VGLL4: variants seen among roughly 807,000 people sequenced by gnomAD.
The protein encoded by VGLL4 is vestigial like family member 4.
VGLL4 carries 7 observed loss-of-function variants against 21.0 expected under a neutral mutation model. That is an observed-to-expected ratio of 0.33 (90% CI 0.19 to 0.63). VGLL4 has a LOEUF of 0.63. Among genes scored for constraint, VGLL4 ranks in the 20% least tolerant of loss-of-function variants. The pLI, the probability that VGLL4 is intolerant of heterozygous loss-of-function variation, is 0.78. For missense variants in VGLL4, 394 were observed against 425.7 expected, an observed-to-expected ratio of 0.93 and a Z score of 0.66; for synonymous variants, 222 against 173.2, an observed-to-expected ratio of 1.28 and a Z score of -2.21.
chr3:11,575,596 C>T (rs2074014746), intron 2 of VGLL4, among the ~76,000 whole-genome samples: 1 of 152,220 alleles, frequency 6.6e-6, no homozygotes, highest in African/African-American at 2.4e-5. Flanking sequence ...ACAGTGTGCA[C>T]TTACCCAGCG....
At chr3:11,592,420 A>G (rs536473599) in intron 2 of VGLL4, among the ~76,000 whole-genome samples, 2 of 152,218 alleles carry the variant, frequency 1.3e-5, no homozygotes, top group African/African-American at 2.4e-5. Flanking sequence ...CCCTTCCACA[A>G]TCCCTGAGGG....
At chr3:11,608,925 G>C (rs1382094778) in intron 1 of VGLL4, among the ~76,000 whole-genome samples, 1 of 152,114 alleles carries the variant, frequency 6.6e-6, no homozygotes, top group Non-Finnish European at 1.5e-5. Flanking sequence ...GCAGTGGCGA[G>C]ATCTTGGCTC....
chr3:11,563,063 A>G (rs1432876183), intron 3 of VGLL4, among the ~76,000 whole-genome samples: 1 of 152,254 alleles, frequency 6.6e-6, no homozygotes, highest in African/African-American at 2.4e-5. Context: ...AACCAACTGC[A>G]AGATTCTCAA....
rs1360333329 is a variant in VGLL4 at position 11,593,341 on chromosome 3, A to G, written c.272+8492T>C. ...AGAACATTTGAGGTCTCATATATAT[A>G]ATCAACTCTTCTGCAAAAGATAAAG... is the stretch of plus-strand genomic sequence containing the variant. On this transcript the variant is annotated intron_variant, in intron 2 of 4. Transcript: ENST00000430365. Among the ~76,000 whole-genome samples, 6 of 152,334 alleles carry G rather than the reference A, an allele frequency of 3.9e-5. No homozygotes were observed. In the East Asian group the frequency reaches 1.2e-3, roughly 29 times the overall value.
At chr3:11,720,890 T>G (rs919712739), upstream of VGLL4, 24 of 152,192 alleles carry the variant, frequency 1.6e-4, no homozygotes, top group African/African-American at 5.8e-4. Flanking sequence ...GATTTGGTGG[T>G]GGGGGGCCGG....
chr3:11,566,578 ATGT>A, intron 2 of VGLL4, among the ~76,000 whole-genome samples: 1 of 152,042 alleles, frequency 6.6e-6, no homozygotes, highest in Non-Finnish European at 1.5e-5. Context: ...ACGCCTCCAA[ATGT>A]TGTGTTCCGT....
intron 2 of VGLL4, among the ~76,000 whole-genome samples, chr3:11,687,442 T>C (rs2076465434): frequency 6.6e-6 from 1 of 152,178 alleles, no homozygotes; most frequent in Non-Finnish European, 1.5e-5. Flanking sequence ...AATTGAAGTC[T>C]ATGGTTGATA....
intron 1 of VGLL4, among the ~76,000 whole-genome samples, chr3:11,718,899 A>T (rs2076953829): frequency 6.6e-6 from 1 of 152,224 alleles, no homozygotes; most frequent in South Asian, 2.1e-4. Flanking sequence ...CATCTAACTT[A>T]AACAGACGAA....
At chr3:11,695,132 C>A (rs1325681160) in intron 2 of VGLL4, among the ~76,000 whole-genome samples, 1 of 149,970 alleles carries the variant, frequency 6.7e-6, no homozygotes, top group Non-Finnish European at 1.5e-5. Flanking sequence ...CTCACTGCAA[C>A]CTCTGCCTCC....
rs2075862141 is a variant in VGLL4 at position 11,650,969 on chromosome 3, A to T, written c.65-48947T>A. ...ATGATGATGATGGTGGTGTTTGTAAAACACTACACTGGTCAACACATTTTT... is the reference window on the plus strand; with the variant it reads ...ATGATGATGATGGTGGTGTTTGTAATACACTACACTGGTCAACACATTTTT... On this transcript the variant is annotated intron_variant, in intron 2 of 5. Coordinates refer to the VGLL4 transcript ENST00000273038. Among the ~76,000 whole-genome samples the T allele has an allele frequency of 2.6e-5, 4 of 152,188 alleles. No individual in the cohort carries two copies. The South Asian group carries it at 8.3e-4, about 32-fold the overall frequency.
intron 1 of VGLL4, chr3:11,610,169 C>T (rs560446945): frequency 1.3e-5 from 2 of 152,454 alleles, no homozygotes; most frequent in South Asian, 4.2e-4. Context: ...GTAAGAGGAC[C>T]CTGCTCCCAG....
intron 1 of VGLL4, among the ~76,000 whole-genome samples, chr3:11,709,136 C>G (rs1434427797): frequency 6.6e-6 from 1 of 151,706 alleles, no homozygotes; most frequent in East Asian, 1.9e-4. Flanking sequence ...TGGAGTGTGG[C>G]TCTAGAAAAA....
At chr3:11,559,274 G>A in intron 4 of VGLL4, 58 bp downstream of exon 4, 2 of 1,473,984 alleles carry the variant, frequency 1.4e-6, no homozygotes, top group Non-Finnish European at 1.8e-6. Context: ...GCATGACAGA[G>A]AAGGGCTCTG....
At chr3:11,676,413 A>AAAAT (rs2076293282) in intron 2 of VGLL4, among the ~76,000 whole-genome samples, 2 of 46,914 alleles carry the variant, frequency 4.3e-5, no homozygotes, top group African/African-American at 1.0e-4. Context: ...AAAAAAAATA[A>AAAAT]AATAATAATA....
At chr3:11,572,207 G>A (rs1361161715) in intron 2 of VGLL4, among the ~76,000 whole-genome samples, 1 of 152,154 alleles carries the variant, frequency 6.6e-6, no homozygotes, top group Non-Finnish European at 1.5e-5. Flanking sequence ...TCATATGCTA[G>A]ACCTCATCTT....
chr3:11,704,874 C>G (rs1457281717), intron 1 of VGLL4, among the ~76,000 whole-genome samples: 1 of 152,154 alleles, frequency 6.6e-6, no homozygotes, highest in Non-Finnish European at 1.5e-5. Flanking sequence ...GAAACAAAGT[C>G]CTACAGAAAT....
intron 2 of VGLL4, among the ~76,000 whole-genome samples, chr3:11,677,864 C>G (rs1234982936): frequency 6.9e-6 from 1 of 145,100 alleles, no homozygotes; most frequent in African/African-American, 2.6e-5. Context: ...GAGATCGTGC[C>G]ACTGTACTCC....
chr3:11,676,356 C>T (rs2076288962), intron 2 of VGLL4, among the ~76,000 whole-genome samples: 2 of 149,392 alleles, frequency 1.3e-5, no homozygotes, highest in Admixed American at 6.7e-5. Context: ...CACTGCATTC[C>T]AGCATTCCAG....
intron 2 of VGLL4, among the ~76,000 whole-genome samples, chr3:11,685,026 CTT>C (rs2076426511): frequency 6.6e-6 from 1 of 152,056 alleles, no homozygotes; most frequent in African/African-American, 2.4e-5. Context: ...TTATTCCCCT[CTT>C]TGTGTCATGA....
Sources: allele counts gnomAD v4.1 joint callset (sites outside exome capture counted in the v4.1 genomes callset), GRCh38; gene constraint gnomAD v4.1.1; transcripts MANE v1.5; gene names NCBI Gene and HGNC (gene_info 2026-07-23, HGNC 2026-07-21).